ZFPM2: variants seen among roughly 807,000 people sequenced by gnomAD.
ZFPM2 encodes zinc finger protein, FOG family member 2.
Under a neutral mutation model 98.6 loss-of-function variants are expected in ZFPM2, and 20 were observed. The ratio of observed to expected loss-of-function variants is 0.20; its 90% CI spans 0.14 to 0.29. The LOEUF is 0.29. Among genes scored for constraint, ZFPM2 ranks in the 10% least tolerant of loss-of-function variants. The probability of loss-of-function intolerance (pLI) is 1.00; values close to 1 mark genes in which losing one functional copy is unlikely to be tolerated. For missense variants in ZFPM2, 1,310 were observed against 1,388.6 expected (o/e 0.94, Z 0.90); for synonymous variants, 518 against 502.7 (o/e 1.03, Z -0.41).
At chr8:105,718,127 G>A (rs1385461260) in intron 5 of ZFPM2, among the ~76,000 whole-genome samples, 1 of 151,908 alleles carries the variant, frequency 6.6e-6, no homozygotes, top group Non-Finnish European at 1.5e-5. Flanking sequence ...TTATTATGCA[G>A]TCATTGGTCA....
At chr8:105,544,458 T>C (rs1358435554) in intron 3 of ZFPM2, among the ~76,000 whole-genome samples, 1 of 152,186 alleles carries the variant, frequency 6.6e-6, no homozygotes, top group Non-Finnish European at 1.5e-5. Flanking sequence ...TTCTATTAAG[T>C]AGTCTCATTT....
chr8:105,569,945 T>G (rs1210613277), intron 4 of ZFPM2, among the ~76,000 whole-genome samples: 1 of 152,128 alleles, frequency 6.6e-6, no homozygotes, highest in Non-Finnish European at 1.5e-5. Context: ...AGCAAGATTG[T>G]TCCAAGAGAA....
At chr8:105,631,235 A>G (rs1586162389) in intron 4 of ZFPM2, among the ~76,000 whole-genome samples, 1 of 152,314 alleles carries the variant, frequency 6.6e-6, no homozygotes, top group East Asian at 1.9e-4. Flanking sequence ...ATTAAGCACA[A>G]GAAGTTTTAC....
chr8:105,799,531 A>AAAAT (rs1813936787), intron 7 of ZFPM2, among the ~76,000 whole-genome samples: 2 of 152,214 alleles, frequency 1.3e-5, no homozygotes, highest in African/African-American at 4.8e-5. Context: ...CCTTAAGAAA[A>AAAAT]AAATAGGCTG....
chr8:105,562,810 A>G (rs1815168615), intron 4 of ZFPM2, among the ~76,000 whole-genome samples: 1 of 152,124 alleles, frequency 6.6e-6, no homozygotes, highest in Non-Finnish European at 1.5e-5. Context: ...AACACTCTCA[A>G]TTCCATTTGC....
At chr8:105,404,665 A>G (rs1811406386) in intron 1 of ZFPM2, among the ~76,000 whole-genome samples, 1 of 152,054 alleles carries the variant, frequency 6.6e-6, no homozygotes, top group East Asian at 1.9e-4. Flanking sequence ...TCCCCAACAT[A>G]CATACACATA....
intron 5 of ZFPM2, among the ~76,000 whole-genome samples, chr8:105,775,056 G>A (rs1382100592): frequency 7.3e-6 from 1 of 136,920 alleles, no homozygotes; most frequent in Non-Finnish European, 1.5e-5. Flanking sequence ...CCCTAGAGAA[G>A]TTTAATGAGC....
intron 1 of ZFPM2, among the ~76,000 whole-genome samples, chr8:105,412,116 C>G (rs1412924998): frequency 6.6e-6 from 1 of 151,590 alleles, no homozygotes; most frequent in Admixed American, 6.6e-5. Flanking sequence ...ATAAAAATGG[C>G]CAAAGACTTT....
intron 1 of ZFPM2, among the ~76,000 whole-genome samples, chr8:105,371,857 T>TA (rs907463928): frequency 6.6e-6 from 1 of 152,004 alleles, no homozygotes; most frequent in Non-Finnish European, 1.5e-5. Flanking sequence ...TCATCAAAAT[T>TA]AATTGTTCTG....
In ZFPM2 at chr8:105,456,129, G is replaced by A. The variant is rs528101483; in HGVS notation, c.301+11748G>A. On this transcript the variant is annotated intron_variant, in intron 3 of 7. Transcript: ENST00000407775. ...TGATAAGCAGTGGCCAGAGAAGATG[G>A]GGAAAACCAGGAAAATGTTTTTTTT... 3.0e-4 allele frequency among the ~76,000 whole-genome samples: 45 copies of A among 151,118 alleles called. No individual in the cohort carries two copies. In the South Asian group the frequency reaches 9.1e-3, roughly 31 times the overall value.
At chr8:105,324,653 T>C (rs2099816820) in intron 1 of ZFPM2, among the ~76,000 whole-genome samples, 1 of 151,894 alleles carries the variant, frequency 6.6e-6, no homozygotes, top group Non-Finnish European at 1.5e-5. Context: ...AGATCAACAA[T>C]GGACTTCTCA....
intron 4 of ZFPM2, among the ~76,000 whole-genome samples, chr8:105,591,924 A>G (rs1391666064): frequency 6.6e-6 from 1 of 152,214 alleles, no homozygotes; most frequent in Non-Finnish European, 1.5e-5. Flanking sequence ...AACACCAGAT[A>G]AAGCAGAGTT....
At chr8:105,624,653 G>T (rs1353606478) in intron 4 of ZFPM2, among the ~76,000 whole-genome samples, 5 of 152,036 alleles carry the variant, frequency 3.3e-5, no homozygotes, top group Non-Finnish European at 5.9e-5. Context: ...ATATTTGGAA[G>T]CAAACATTGT....
chr8:105,467,236 TA>T (rs1435249525), intron 3 of ZFPM2, among the ~76,000 whole-genome samples: 2 of 152,106 alleles, frequency 1.3e-5, no homozygotes, highest in African/African-American at 4.8e-5. Context: ...TTATTTTTAC[TA>T]AAGTGAAATT....
intron 2 of ZFPM2, among the ~76,000 whole-genome samples, chr8:105,423,243 G>C (rs1811839611): frequency 6.6e-6 from 1 of 152,130 alleles, no homozygotes; most frequent in African/African-American, 2.4e-5. Context: ...CCATCTCAGA[G>C]ATACCCTTGT....
chr8:105,517,448 T>A (rs1406657378), intron 3 of ZFPM2, among the ~76,000 whole-genome samples: 1 of 152,176 alleles, frequency 6.6e-6, no homozygotes, highest in Admixed American at 6.5e-5. Context: ...GACAGCATGA[T>A]GTTTTGATAT....
chr8:105,614,219 TTC>T (rs1816367192), intron 4 of ZFPM2, among the ~76,000 whole-genome samples: 1 of 152,196 alleles, frequency 6.6e-6, no homozygotes, highest in African/African-American at 2.4e-5. Flanking sequence ...TAATTATTAT[TTC>T]TGTTTCTAAC....
At chr8:105,700,380 A>G (rs1811114476) in intron 5 of ZFPM2, among the ~76,000 whole-genome samples, 1 of 152,224 alleles carries the variant, frequency 6.6e-6, no homozygotes, top group South Asian at 2.1e-4. Context: ...CGTATGTACA[A>G]GTCTAGTTTC....
chr8:105,334,682 A>C (rs1218450736), intron 1 of ZFPM2, among the ~76,000 whole-genome samples: 1 of 151,582 alleles, frequency 6.6e-6, no homozygotes, highest in Non-Finnish European at 1.5e-5. Flanking sequence ...TGAGTTCAGA[A>C]ATTTTTTTCT....
Sources: allele counts gnomAD v4.1 joint callset (sites outside exome capture counted in the v4.1 genomes callset), GRCh38; gene constraint gnomAD v4.1.1; transcripts MANE v1.5; gene names NCBI Gene and HGNC (gene_info 2026-07-23, HGNC 2026-07-21).